The following MKX variants were observed in gnomAD, a reference collection of about 807,000 sequenced individuals.
The protein encoded by MKX is homeobox protein Mohawk.
In MKX, 13 loss-of-function variants were observed where a neutral mutation model predicts 36.0. The observed-to-expected ratio is 0.36, with a 90% confidence interval of 0.24 to 0.57. MKX has a LOEUF of 0.57. Ranked by LOEUF, MKX falls within the 20% of genes least tolerant of loss-of-function variation. The pLI, the probability that MKX is intolerant of heterozygous loss-of-function variation, is 0.79. For synonymous variants in MKX, 176 were observed against 178.3 expected (o/e 0.99, Z 0.10); for missense variants, 458 against 456.4 (o/e 1.00, Z -0.03).
At chr10:27,687,408 A>C (rs1352716347) in intron 5 of MKX, among the ~76,000 whole-genome samples, 1 of 152,238 alleles carries the variant, frequency 6.6e-6, no homozygotes, top group East Asian at 1.9e-4. Flanking sequence ...ATTAATAACA[A>C]CAATAGGACA....
intron 5 of MKX, among the ~76,000 whole-genome samples, chr10:27,680,929 C>G (rs1836242771): frequency 6.6e-6 from 1 of 152,070 alleles, no homozygotes; most frequent in Admixed American, 6.5e-5. Context: ...CAAAGACAGA[C>G]CACTAGGATT....
Position 27,675,252 on chromosome 10 carries a change from CTT to C in MKX, c.1034_1035del (p.Lys345SerfsTer92). 1 of 1,613,952 alleles carries C rather than the reference CTT, an allele frequency of 6.2e-7. No homozygotes were observed. The highest frequency in any genetic ancestry group is 8.5e-7 in the Non-Finnish European group (1 of 1,179,970). ...TCTTAAAACTGCTGCACCAGCGGCA[CTT>C]TGACAGTCTTTACTTCTGCTATATG... ...SSHIAEVKTV[K>X]VPLVQQF On this transcript the variant is annotated frameshift_variant, in exon 7 of 7. Coordinates refer to ENST00000419761, the MANE Select transcript of MKX (RefSeq NM_173576.3). LOFTEE classifies it high-confidence loss of function.
intron 5 of MKX, among the ~76,000 whole-genome samples, chr10:27,716,808 C>G (rs1312729303): frequency 6.6e-6 from 1 of 152,140 alleles, no homozygotes; most frequent in African/African-American, 2.4e-5. Flanking sequence ...AAGAATTTTG[C>G]CCTCATGACT....
At chr10:27,731,063 G>A (rs1252401163) in intron 5 of MKX, among the ~76,000 whole-genome samples, 4 of 151,170 alleles carry the variant, frequency 2.6e-5, no homozygotes, top group Non-Finnish European at 5.9e-5. Context: ...GAACTTGGGA[G>A]GTGGAGGTTG....
intron 5 of MKX, among the ~76,000 whole-genome samples, chr10:27,697,044 A>G (rs1416048544): frequency 6.6e-6 from 1 of 152,242 alleles, no homozygotes; most frequent in Non-Finnish European, 1.5e-5. Flanking sequence ...ATTCTTAACC[A>G]GTATACTTGG....
chr10:27,697,643 G>T (rs938035307), intron 5 of MKX, among the ~76,000 whole-genome samples: 2 of 152,190 alleles, frequency 1.3e-5, no homozygotes, highest in Non-Finnish European at 2.9e-5. Context: ...TGTTGTCTTT[G>T]TTTACTTATT....
chr10:27,714,543 C>T (rs1428713912), intron 5 of MKX, among the ~76,000 whole-genome samples: 1 of 152,142 alleles, frequency 6.6e-6, no homozygotes, highest in Non-Finnish European at 1.5e-5. Context: ...CTATGGTAGT[C>T]ACAGTTTGCC....
intron 5 of MKX, among the ~76,000 whole-genome samples, chr10:27,681,569 T>C (rs1836255399): frequency 2.6e-5 from 4 of 152,214 alleles, no homozygotes; most frequent in Non-Finnish European, 5.9e-5. Context: ...ACTGGGTTTA[T>C]GTGTTTACTA....
chr10:27,678,643 A>G (rs919942156), intron 5 of MKX, among the ~76,000 whole-genome samples: 1 of 152,188 alleles, frequency 6.6e-6, no homozygotes, highest in African/African-American at 2.4e-5. Flanking sequence ...CAATGTATCA[A>G]TGCCATCAAT....
intron 3 of MKX, among the ~76,000 whole-genome samples, chr10:27,739,089 T>C (rs1170912678): frequency 1.3e-5 from 2 of 152,060 alleles, no homozygotes; most frequent in Non-Finnish European, 2.9e-5. Context: ...GAGACTTTCA[T>C]TATTAGAGGA....
chr10:27,724,498 T>C lies in MKX; in HGVS notation c.838+9958A>G, dbSNP rs544107275. Among the ~76,000 whole-genome samples the C allele has an allele frequency of 2.0e-4, 30 of 152,212 alleles. No homozygotes were observed. In the East Asian group the frequency reaches 2.9e-3, roughly 15 times the overall value. On this transcript the variant is annotated intron_variant, in intron 5 of 6. Coordinates refer to ENST00000419761, the MANE Select transcript of MKX (RefSeq NM_173576.3). The stretch of plus-strand genomic sequence containing the variant: ...CCTCCTACTGGGCTTGGAAAAACAG[T>C]TACTGACTCACTTTGGGGAAGACTC...
intron 3 of MKX, among the ~76,000 whole-genome samples, chr10:27,740,305 G>A (rs1404792990): frequency 1.3e-5 from 2 of 152,162 alleles, no homozygotes; most frequent in African/African-American, 2.4e-5. Flanking sequence ...TCACAATCAG[G>A]TAATGCTACC....
Position 27,714,699 on chromosome 10 carries a change from G to C in MKX, c.838+19757C>G, listed in dbSNP as rs1023596959. ...TAACATGAAATGTAAGAAAAACTCA[G>C]TATCTTAGAACCTAAACTTATGAAA... is the stretch of plus-strand genomic sequence containing the variant. On this transcript the variant is annotated intron_variant, in intron 5 of 6. Coordinates refer to ENST00000419761, the MANE Select transcript of MKX (RefSeq NM_173576.3). 2.0e-5 allele frequency among the ~76,000 whole-genome samples: 3 copies of C among 152,200 alleles called. No homozygotes were observed. In the East Asian group the frequency reaches 5.8e-4, roughly 29 times the overall value.
At chr10:27,718,934 C>G (rs1221210726) in intron 5 of MKX, among the ~76,000 whole-genome samples, 2 of 152,200 alleles carry the variant, frequency 1.3e-5, no homozygotes, top group East Asian at 3.9e-4. Flanking sequence ...TATTCAGAAT[C>G]TATGCTTAAC....
intron 5 of MKX, among the ~76,000 whole-genome samples, chr10:27,684,800 A>AC (rs1369875147): frequency 4.6e-5 from 7 of 152,240 alleles, no homozygotes; most frequent in Admixed American, 4.6e-4. Context: ...TTTTCCACAG[A>AC]CCGGGGAGCG....
chr10:27,739,982 G>T (rs745490904), intron 3 of MKX, among the ~76,000 whole-genome samples: 2 of 152,168 alleles, frequency 1.3e-5, no homozygotes, highest in Non-Finnish European at 2.9e-5. Context: ...ATGTTAAACA[G>T]ATATTAAGCC....
At chr10:27,716,713 A>G (rs1269792215) in intron 5 of MKX, among the ~76,000 whole-genome samples, 3 of 152,200 alleles carry the variant, frequency 2.0e-5, no homozygotes, top group African/African-American at 2.4e-5. Flanking sequence ...CACACTCATC[A>G]TAATGTTAAT....
chr10:27,735,171 C>T (rs1250205111), intron 4 of MKX, 50 bp downstream of exon 4: 2 of 1,468,478 alleles, frequency 1.4e-6, no homozygotes, highest in Non-Finnish European at 1.8e-6. Context: ...TTATGGTGAA[C>T]TTGCTAATAG....
At chr10:27,726,177 T>A (rs1246495160) in intron 5 of MKX, among the ~76,000 whole-genome samples, 1 of 152,204 alleles carries the variant, frequency 6.6e-6, no homozygotes, top group East Asian at 1.9e-4. Context: ...CTTTGTAAGA[T>A]CAAAACTTAA....
Sources: allele counts gnomAD v4.1 joint callset (sites outside exome capture counted in the v4.1 genomes callset), GRCh38; gene constraint gnomAD v4.1.1; transcripts MANE v1.5; gene names NCBI Gene and HGNC (gene_info 2026-07-23, HGNC 2026-07-21).